The following SCAPER variants were observed in gnomAD, a reference collection of about 807,000 sequenced individuals.
SCAPER encodes S phase cyclin A-associated protein in the endoplasmic reticulum.
SCAPER carries 98 observed loss-of-function variants against 182.2 expected under a neutral mutation model. The observed-to-expected ratio is 0.54, with a 90% CI of 0.46 to 0.64. The LOEUF is 0.64. Ranked by LOEUF, SCAPER falls within the 30% of genes least tolerant of loss-of-function variation. The pLI is 0.00. For synonymous variants in SCAPER, 605 were observed against 564.6 expected (o/e 1.07, Z -1.01); for missense variants, 1,432 against 1,690.0 (o/e 0.85, Z 2.68).
At chr15:76,477,279 G>A (rs1587381) in intron 24 of SCAPER, among the ~76,000 whole-genome samples, 64,669 of 151,994 alleles carry the variant, frequency 0.43, 16,482 homozygotes, top group Middle Eastern at 0.58. Context: ...ATGGTGGATT[G>A]TAAAACCTTG....
intron 22 of SCAPER, among the ~76,000 whole-genome samples, 167 bp from the exon 23 acceptor site, chr15:76,574,451 T>G (rs920090853): frequency 1.3e-5 from 2 of 152,194 alleles, no homozygotes; most frequent in Non-Finnish European, 2.9e-5. Flanking sequence ...TAGTGTTATT[T>G]TATATTCATG....
intron 24 of SCAPER, among the ~76,000 whole-genome samples, chr15:76,487,181 G>GA (rs2051733966): frequency 1.3e-5 from 2 of 152,084 alleles, no homozygotes; most frequent in Admixed American, 1.3e-4. Flanking sequence ...GGGGCCTATT[G>GA]GAGTGTGGAG....
At chr15:76,653,088 T>C (rs1435732313) in intron 21 of SCAPER, among the ~76,000 whole-genome samples, 1 of 151,916 alleles carries the variant, frequency 6.6e-6, no homozygotes, top group African/African-American at 2.4e-5. Flanking sequence ...AGGCTGAGCG[T>C]AAAATCAAGA....
At chr15:76,727,336 T>C (rs1046589931) in intron 17 of SCAPER, among the ~76,000 whole-genome samples, 1 of 152,008 alleles carries the variant, frequency 6.6e-6, no homozygotes, top group Non-Finnish European at 1.5e-5. Flanking sequence ...AGGTGAAGGA[T>C]AGTTCCAGAC....
intron 23 of SCAPER, among the ~76,000 whole-genome samples, chr15:76,567,897 C>G (rs778587667): frequency 1.3e-5 from 2 of 152,056 alleles, no homozygotes; most frequent in East Asian, 3.9e-4. Flanking sequence ...TCAAGTTTCC[C>G]TTTATTGTTA....
intron 13 of SCAPER, 51 bp from the exon 14 acceptor site, chr15:76,765,123 G>T (rs2063032442): frequency 1.7e-5 from 22 of 1,319,616 alleles, no homozygotes; most frequent in Non-Finnish European, 2.0e-5. Context: ...ACATGATAAG[G>T]CCAGAAAAAG....
intron 23 of SCAPER, among the ~76,000 whole-genome samples, chr15:76,506,363 A>C (rs2041584134): frequency 6.6e-6 from 1 of 152,174 alleles, no homozygotes; most frequent in East Asian, 1.9e-4. Context: ...AAAATATCTC[A>C]TGTATACCAT....
At chr15:76,373,691 T>C (rs1274189786) in intron 29 of SCAPER, among the ~76,000 whole-genome samples, 1 of 152,232 alleles carries the variant, frequency 6.6e-6, no homozygotes, top group Non-Finnish European at 1.5e-5. Flanking sequence ...GGATCCAAAC[T>C]GTCTATATTT....
At chr15:76,435,547 GCCTA>G (rs1031855657) in intron 25 of SCAPER, among the ~76,000 whole-genome samples, 5 of 152,060 alleles carry the variant, frequency 3.3e-5, no homozygotes, top group African/African-American at 1.2e-4. Context: ...AGCTCTCTAG[GCCTA>G]CTACACAGCT....
At chr15:76,792,366 G>A (rs967174086) in intron 8 of SCAPER, among the ~76,000 whole-genome samples, 3 of 152,048 alleles carry the variant, frequency 2.0e-5, no homozygotes, top group African/African-American at 7.2e-5. Flanking sequence ...GGCAGTCTTG[G>A]GAGACTGGCA....
chr15:76,573,960 T>TA (rs905680903), intron 23 of SCAPER, among the ~76,000 whole-genome samples, 198 bp downstream of exon 23: 25 of 149,438 alleles, frequency 1.7e-4, no homozygotes, highest in South Asian at 2.1e-4. Context: ...GGACTTCAAT[T>TA]AAAAAAAAAC....
At chr15:76,491,222 G>A (rs1315753003) in intron 24 of SCAPER, among the ~76,000 whole-genome samples, 4 of 152,052 alleles carry the variant, frequency 2.6e-5, no homozygotes, top group South Asian at 2.1e-4. Flanking sequence ...CTGTATCTTC[G>A]CATATTTTGA....
At chr15:76,599,166 A>G (rs1275868300) in intron 22 of SCAPER, among the ~76,000 whole-genome samples, 5 of 120,816 alleles carry the variant, frequency 4.1e-5, no homozygotes, top group African/African-American at 1.3e-4. Context: ...ATGAGAGGAC[A>G]CTCAACACCA....
chr15:76,629,301 T>C (rs895123490), intron 21 of SCAPER, among the ~76,000 whole-genome samples: 1 of 152,238 alleles, frequency 6.6e-6, no homozygotes, highest in African/African-American at 2.4e-5. Flanking sequence ...CTATGTTGAA[T>C]AGGAGTGGTG....
chr15:76,356,118 A>C (rs62028374), intron 29 of SCAPER, among the ~76,000 whole-genome samples: 2,445 of 152,254 alleles, frequency 0.016, 32 homozygotes, highest in Middle Eastern at 0.034. Context: ...CTGTCTTTCC[A>C]ACCACATTTT....
In SCAPER at chr15:76,565,835, T is replaced by A. The variant is rs1020221064; in HGVS notation, c.2838+8323A>T. Among the ~76,000 whole-genome samples, 5 of 152,172 alleles carry A rather than the reference T, an allele frequency of 3.3e-5. 1 individual carries two copies. The highest frequency in any genetic ancestry group is 3.3e-4 in the Admixed American group (5 of 15,262). On this transcript the variant is annotated intron_variant, in intron 23 of 31. Coordinates refer to ENST00000563290, the MANE Select transcript of SCAPER (RefSeq NM_020843.4). ...CTAGCTGAAAAACGTCTGAAAAACA[T>A]CTTCATTTTACTTTGGGCTATATAC...
intron 25 of SCAPER, among the ~76,000 whole-genome samples, chr15:76,456,640 T>C (rs1245825439): frequency 6.6e-6 from 1 of 152,242 alleles, no homozygotes; most frequent in African/African-American, 2.4e-5. Context: ...ATATCATGTA[T>C]ATTTTTACTG....
At chr15:76,593,019 T>C (rs2049241068) in intron 22 of SCAPER, among the ~76,000 whole-genome samples, 1 of 117,070 alleles carries the variant, frequency 8.5e-6, no homozygotes, top group African/African-American at 2.6e-5. Flanking sequence ...AGCGAACTCG[T>C]CTTGCTCAGC....
At chr15:76,664,479 T>C (rs557707110) in intron 21 of SCAPER, among the ~76,000 whole-genome samples, 14 of 152,156 alleles carry the variant, frequency 9.2e-5, no homozygotes, top group African/African-American at 2.2e-4. Context: ...TGAAATGAGG[T>C]AGGTTTTTGT....
Sources: gnomAD v4.1 joint callset for allele counts (sites outside exome capture counted in the v4.1 genomes callset) on GRCh38, gnomAD v4.1.1 for gene constraint, MANE v1.5 for transcripts, NCBI Gene and HGNC (gene_info 2026-07-23, HGNC 2026-07-21) for gene names.